The following TENM4 variants were observed in gnomAD, a reference collection of about 807,000 sequenced individuals.
TENM4 encodes teneurin transmembrane protein 4.
A neutral mutation model predicts 243.3 loss-of-function variants in TENM4; 82 were observed. The ratio of observed to expected loss-of-function variants is 0.34; its 90% CI spans 0.28 to 0.40. The LOEUF (loss-of-function observed/expected upper bound fraction) is 0.40. Ranked by LOEUF, TENM4 falls within the 10% of genes least tolerant of loss-of-function variation. TENM4 has a pLI of 1.00. For synonymous variants in TENM4, 1,412 were observed against 1,456.3 expected (o/e 0.97, Z 0.69); for missense variants, 3,138 against 3,673.3 (o/e 0.85, Z 3.77).
intron 2 of TENM4, among the ~76,000 whole-genome samples, chr11:79,234,376 T>C: frequency 6.6e-6 from 1 of 152,186 alleles, no homozygotes; most frequent in East Asian, 1.9e-4. Flanking sequence ...ATGAATGATA[T>C]TGGCATGCAT....
intron 28 of TENM4, among the ~76,000 whole-genome samples, chr11:78,694,006 C>T (rs188990280): frequency 6.6e-6 from 1 of 152,098 alleles, no homozygotes; most frequent in African/African-American, 2.4e-5. Context: ...CAGAGTGAGA[C>T]TCCATCTCAA....
At chr11:78,874,235 G>T (rs951874297) in intron 9 of TENM4, among the ~76,000 whole-genome samples, 1 of 151,910 alleles carries the variant, frequency 6.6e-6, no homozygotes, top group African/African-American at 2.4e-5. Flanking sequence ...CTGACTCTTA[G>T]TTTTTTCATC....
intron 6 of TENM4, among the ~76,000 whole-genome samples, chr11:79,060,733 G>A (rs1204510222): frequency 6.6e-6 from 1 of 152,178 alleles, no homozygotes; most frequent in African/African-American, 2.4e-5. Context: ...TCTCAGTTTG[G>A]AGCCTCAGGT....
At chr11:78,861,919 C>A (rs1291540196) in intron 10 of TENM4, among the ~76,000 whole-genome samples, 1 of 152,214 alleles carries the variant, frequency 6.6e-6, no homozygotes, top group Non-Finnish European at 1.5e-5. Flanking sequence ...CCCAGAATGA[C>A]AACCAGGCTG....
At chr11:79,025,946 A>C (rs1859067764) in intron 6 of TENM4, among the ~76,000 whole-genome samples, 1 of 152,114 alleles carries the variant, frequency 6.6e-6, no homozygotes, top group Admixed American at 6.5e-5. Context: ...TTGTGTATGC[A>C]TGTCTACTTG....
chr11:78,938,704 T>C lies in TENM4; in HGVS notation c.494-35181A>G, dbSNP rs544783307. Among the ~76,000 whole-genome samples, 296 of 152,308 alleles carry C rather than the reference T, an allele frequency of 1.9e-3. 1 individual carries two copies. The highest frequency in any genetic ancestry group is 6.8e-3 in the African/African-American group (281 of 41,564). On this transcript the variant is annotated intron_variant, in intron 6 of 33. Transcript: ENST00000278550. ...TCATTTGTTGCAAGCAGAACCCTTG[T>C]GGCCAAGCAGAGCAGACCATCATCT...
In TENM4 at chr11:79,150,858, A is replaced by G. The variant is rs1022208273; in HGVS notation, c.-162-2052T>C. On this transcript the variant is annotated intron_variant, in intron 3 of 33. Transcript: ENST00000278550. The stretch of plus-strand genomic sequence containing the variant: ...CCATAAACTACACTTTATTAAGGGC[A>G]TACCAATCACTGTGCTAAACATTAT... Among the ~76,000 whole-genome samples, 6 of 152,338 alleles carry G rather than the reference A, an allele frequency of 3.9e-5. No individual in the cohort carries two copies. The East Asian group carries it at 9.6e-4, about 24-fold the overall frequency.
intron 6 of TENM4, among the ~76,000 whole-genome samples, chr11:79,018,801 C>T (rs1858846303): frequency 6.6e-6 from 1 of 152,198 alleles, no homozygotes; most frequent in African/African-American, 2.4e-5. Flanking sequence ...ATTTTTTTAG[C>T]CAGACTTTTA....
intron 30 of TENM4, among the ~76,000 whole-genome samples, chr11:78,673,190 G>A (rs956933900): frequency 2.6e-5 from 4 of 152,078 alleles, no homozygotes; most frequent in Non-Finnish European, 4.4e-5. Context: ...TCCTACAGAC[G>A]TAGTGGTAGG....
chr11:79,286,665 G>T (rs1239323164), intron 2 of TENM4, among the ~76,000 whole-genome samples: 1 of 151,804 alleles, frequency 6.6e-6, no homozygotes, highest in African/African-American at 2.4e-5. Context: ...GCGAAACTCC[G>T]TCTCAAAAAA....
chr11:79,209,905 T>C (rs1272014346), intron 3 of TENM4, among the ~76,000 whole-genome samples: 1 of 152,242 alleles, frequency 6.6e-6, no homozygotes, highest in Non-Finnish European at 1.5e-5. Flanking sequence ...GTTTGATTAC[T>C]GGAAATGGGG....
intron 1 of TENM4, among the ~76,000 whole-genome samples, chr11:79,361,834 A>G (rs777850782): frequency 5.9e-5 from 9 of 152,238 alleles, no homozygotes; most frequent in Non-Finnish European, 1.2e-4. Flanking sequence ...AGTCAAATCA[A>G]TAGGAGGAAA....
chr11:79,068,959 G>A (rs993997288), intron 5 of TENM4, among the ~76,000 whole-genome samples: 2 of 152,196 alleles, frequency 1.3e-5, no homozygotes, highest in Admixed American at 6.5e-5. Context: ...TCATCTGGCT[G>A]CAGTACAGAG....
At chr11:78,752,011 C>T (rs1856201226) in intron 19 of TENM4, among the ~76,000 whole-genome samples, 1 of 152,224 alleles carries the variant, frequency 6.6e-6, no homozygotes, top group South Asian at 2.1e-4. Context: ...GGTATTCAAA[C>T]CACTTAATCT....
At chr11:78,860,658 G>A (rs1036514404) in intron 10 of TENM4, among the ~76,000 whole-genome samples, 7 of 152,166 alleles carry the variant, frequency 4.6e-5, no homozygotes, top group African/African-American at 1.7e-4. Flanking sequence ...CAAAATAAAG[G>A]AAGAACATTG....
chr11:79,400,047 T>C (rs1858424376), intron 1 of TENM4, among the ~76,000 whole-genome samples: 2 of 151,760 alleles, frequency 1.3e-5, no homozygotes, highest in African/African-American at 4.8e-5. Context: ...TATTTGTTGA[T>C]TGATTTGGTA....
intron 2 of TENM4, among the ~76,000 whole-genome samples, chr11:79,228,923 C>T (rs1293816757): frequency 6.6e-6 from 1 of 152,054 alleles, no homozygotes; most frequent in Non-Finnish European, 1.5e-5. Flanking sequence ...TTCGTTTTTC[C>T]CTAATGTCTT....
At chr11:78,864,433 CAAAAAAAAAAAAAAAAAA>C (rs145489804) in intron 9 of TENM4, among the ~76,000 whole-genome samples, 3,156 of 36,494 alleles carry the variant, frequency 0.086, 106 homozygotes, top group South Asian at 0.32. Context: ...GACTCCGTCT[CAAAAAAAAAAAAAAAAAA>C]AAAAAAAAAA....
chr11:78,939,988 A>G (rs1301751295), intron 6 of TENM4, among the ~76,000 whole-genome samples: 1 of 152,140 alleles, frequency 6.6e-6, no homozygotes, highest in African/African-American at 2.4e-5. Flanking sequence ...TAGAAAATAT[A>G]TAGAAGAAAA....
Sources: allele counts gnomAD v4.1 joint callset (sites outside exome capture counted in the v4.1 genomes callset), GRCh38; gene constraint gnomAD v4.1.1; transcripts MANE v1.5; gene names NCBI Gene and HGNC (gene_info 2026-07-23, HGNC 2026-07-21).